The following SMARCD2 variants were observed in gnomAD, a reference collection of about 807,000 sequenced individuals.
SMARCD2 encodes the protein SWI/SNF related BAF chromatin remodeling complex subunit D2.
In SMARCD2, 39 loss-of-function variants were observed where a neutral mutation model predicts 70.4. The observed-to-expected ratio is 0.55, with a 90% confidence interval of 0.43 to 0.72. SMARCD2 has a LOEUF of 0.72. Among genes scored for constraint, SMARCD2 ranks in the 30% least tolerant of loss-of-function variants. The probability of loss-of-function intolerance (pLI) is 0.00; values close to 1 mark genes in which losing one functional copy is unlikely to be tolerated. For missense variants in SMARCD2, 540 were observed against 713.4 expected (o/e 0.76, Z 2.77); for synonymous variants, 249 against 279.4 (o/e 0.89, Z 1.08).
At chr17:63,836,743 A>C in intron 4 of SMARCD2, 179 bp downstream of exon 4, 1 of 609,546 alleles carries the variant, frequency 1.6e-6, no homozygotes, top group Non-Finnish European at 3.0e-6. Flanking sequence ...TTCTACTGTC[A>C]TATATTCATT....
chr17:63,839,374 A>C, intron 1 of SMARCD2: 1 of 259,636 alleles, frequency 3.9e-6, no homozygotes, highest in Non-Finnish European at 6.0e-6. Flanking sequence ...GTGCTCCGGT[A>C]ACAGGAAGTC....
chr17:63,833,730 C>G lies in SMARCD2; in HGVS notation c.1182-8G>C. The G allele has an allele frequency of 6.2e-7, 1 of 1,614,010 alleles. No homozygotes were observed. Among genetic ancestry groups the G allele is most frequent in the Non-Finnish European group, 8.5e-7 (1 of 1,179,882 alleles). On this transcript the variant is annotated splice_region_variant and splice_polypyrimidine_tract_variant and intron_variant, in intron 9 of 12. Transcript: ENST00000448276. This position sits in a 1 kb window ranked among gnomAD's most constrained non-coding sequence, Gnocchi z 4.3. Reference sequence around the variant, plus strand: ...TGGTCGTTAGGGTCGACACTGCAGGCAGCACATGGGGAGGGAAGGCACATA... The same window carrying G: ...TGGTCGTTAGGGTCGACACTGCAGGGAGCACATGGGGAGGGAAGGCACATA...
chr17:63,834,459 C>G lies in SMARCD2; in HGVS notation c.921+15G>C, dbSNP rs1431337005. The G allele has an allele frequency of 1.9e-6, 3 of 1,571,624 alleles. No homozygotes were observed. Among genetic ancestry groups the G allele is most frequent in the African/African-American group, 1.4e-5 (1 of 73,782 alleles). ...GTCCCTGTGGGCCCAGAAATGACCC[C>G]AGGGTCTCTGTCACCTGATGATCCA... On this transcript the variant is annotated intron_variant, in intron 7 of 12. Coordinates refer to ENST00000448276, the MANE Select transcript of SMARCD2 (RefSeq NM_001098426.2). This position sits in a 1 kb window ranked among gnomAD's most constrained non-coding sequence, Gnocchi z 5.6.
chr17:63,842,102 G>A (rs926298053), intron 1 of SMARCD2, among the ~76,000 whole-genome samples: 2 of 152,154 alleles, frequency 1.3e-5, no homozygotes, highest in Admixed American at 6.5e-5. Context: ...TTCTCAGCGA[G>A]GGCCCTTTCC....
At position 63,833,322 on chromosome 17, in the gene SMARCD2, G is replaced by A. The variant is rs1424686672; in HGVS notation, c.1416C>T (p.Leu472=). ...CCTTGAGGTCTCGGCGCTGGGAACG[G>A]AGCCATTCCTGGATGAAGTCCTGGG... ...TDPQDFIQEW[L]RSQRRDLKII... Residue 472 remains leucine, a synonymous_variant, in exon 11 of 13, where the codon CTC becomes CTT. Coordinates refer to ENST00000448276, the MANE Select transcript of SMARCD2 (RefSeq NM_001098426.2). The surrounding 1 kb of genome is among the most constrained non-coding windows in gnomAD (Gnocchi z 4.3). The A allele has an allele frequency of 5.0e-6, 8 of 1,614,008 alleles. No individual in the cohort carries two copies. In the East Asian group the frequency reaches 1.6e-4, roughly 31 times the overall value.
chr17:63,835,271 T>C (rs2040250951), intron 5 of SMARCD2, 141 bp downstream of exon 5: 2 of 766,662 alleles, frequency 2.6e-6, no homozygotes, highest in Admixed American at 6.0e-5. Flanking sequence ...TACAGGTGCA[T>C]GCCACCGCAC....
At position 63,833,592 on chromosome 17, in the gene SMARCD2, C is replaced by T. The variant is rs2040223653; in HGVS notation, c.1312G>A (p.Val438Ile). 4 of 1,613,892 alleles carry T rather than the reference C, an allele frequency of 2.5e-6. No homozygotes were observed. Among genetic ancestry groups the T allele is most frequent in the Non-Finnish European group, 3.4e-6 (4 of 1,179,888 alleles). Residue 438 changes from valine (V) to isoleucine (I), a missense_variant, in exon 10 of 13, where the codon GTC (valine) becomes ATC (isoleucine). Transcript: ENST00000448276. This position sits in a 1 kb window ranked among gnomAD's most constrained non-coding sequence, Gnocchi z 4.3. ...TNQQEIASLD[V>I]KIHETIESIN... ...TGTGGAGCCAGAGGGCCCACCTTGA[C>T]ATCAAGGGAGGCGATCTCCTGCTGA... is the stretch of plus-strand genomic sequence containing the variant.
Position 63,837,362 on chromosome 17 carries a change from A to C in SMARCD2, c.401+79T>G. The C allele has an allele frequency of 6.5e-7, 1 of 1,537,238 alleles. No homozygotes were observed. Among genetic ancestry groups the C allele is most frequent in the South Asian group, 1.1e-5 (1 of 89,042 alleles). On this transcript the variant is annotated intron_variant, in intron 2 of 12. Transcript: ENST00000448276. This position sits in a 1 kb window ranked among gnomAD's most constrained non-coding sequence, Gnocchi z 6.4. ...AGCCTGGAGTCATCCTCAGTCACCA[A>C]AGCTCTTAAGATAGAAGGAAACCCT...
rs544942986 is a variant in SMARCD2, at chr17:63,838,916, G to C, written c.217-1291C>G. On this transcript the variant is annotated intron_variant, in intron 1 of 12. Coordinates refer to ENST00000448276, the MANE Select transcript of SMARCD2 (RefSeq NM_001098426.2). ...CTAAACCCATGTTCCCAACACAGAGGGTCAGATTCTTGACCAGATGCGGAG... is the reference window on the plus strand; with the variant it reads ...CTAAACCCATGTTCCCAACACAGAGCGTCAGATTCTTGACCAGATGCGGAG... 5.1e-6 allele frequency: 5 copies of C among 985,336 alleles called. No individual in the cohort carries two copies. In the African/African-American group the frequency reaches 8.7e-5, roughly 17 times the overall value. The allele number at this position is 985,336 out of a possible 1,614,324, so 61.0% of individuals were successfully genotyped here.
chr17:63,836,679 T>C (rs996078550), intron 4 of SMARCD2: 10 of 402,836 alleles, frequency 2.5e-5, no homozygotes, highest in Admixed American at 3.9e-5. Context: ...AAAAATGTCA[T>C]GAAAGAATCC....
In SMARCD2 at chr17:63,835,476, C is replaced by T. The variant is rs1214587983; in HGVS notation, c.659G>A (p.Gly220Glu). 4 of 1,613,730 alleles carry T rather than the reference C, an allele frequency of 2.5e-6. No homozygotes were observed. The highest frequency in any genetic ancestry group is 3.4e-6 in the Non-Finnish European group (4 of 1,179,744). ...DSAGTAGTPGGTPAGDKVASW... is the reference protein window; with the variant it reads ...DSAGTAGTPGETPAGDKVASW... ...AGCCACCTTGTCCCCTGCTGGGGTT[C>T]CCCCAGGGGTCCCTGCAGTTCCTGC... Residue 220 changes from glycine to glutamate, a missense_variant, in exon 5 of 13, where the codon GGA becomes GAA. By Grantham distance (98) the Gly-to-Glu change is moderately conservative. Coordinates refer to ENST00000448276, the MANE Select transcript of SMARCD2 (RefSeq NM_001098426.2).
chr17:63,833,020 G>T lies in SMARCD2; in HGVS notation c.1543-29C>A. ...GAGAAGGGAGAAACCAAGTGGCTCA[G>T]GCCTTTGCTACTCACGGCCAAAGGA... On this transcript the variant is annotated intron_variant, in intron 12 of 12. Transcript: ENST00000448276. This position sits in a 1 kb window ranked among gnomAD's most constrained non-coding sequence, Gnocchi z 4.3. The T allele has an allele frequency of 6.3e-7, 1 of 1,586,464 alleles. No individual in the cohort carries two copies. Among genetic ancestry groups the T allele is most frequent in the African/African-American group, 1.3e-5 (1 of 74,302 alleles).
Position 63,832,622 on chromosome 17 carries a change from A to G in SMARCD2, c.*316T>C. Reference sequence around the variant, plus strand: ...CTCGCCCCAGGGGGAGTCTGTAAACATGCAAACCCAGCAGCCTTTGGTTCG... The same window carrying G: ...CTCGCCCCAGGGGGAGTCTGTAAACGTGCAAACCCAGCAGCCTTTGGTTCG... On this transcript the variant is annotated 3_prime_UTR_variant, in exon 13 of 13. Transcript: ENST00000448276. 2.3e-6 allele frequency: 1 copy of G among 439,810 alleles called. No individual in the cohort carries two copies. Among genetic ancestry groups the G allele is most frequent in the Non-Finnish European group, 4.2e-6 (1 of 237,022 alleles). The allele number at this position is 439,810 out of a possible 1,614,324, so 27.2% of individuals were successfully genotyped here.
chr17:63,842,641 G>T lies in SMARCD2; in HGVS notation c.34C>A (p.Pro12Thr), dbSNP rs928769045. ...GCGCCGCCGCCAGGGCTTAGCGGGG[G>T]CAGCGGGAACCCGCCCGCGCCTCGG... ...SGRGAGGFPL[P>T]PLSPGGGAVA... The change falls in exon 1 of 13, where the codon CCC becomes ACC. Residue 12 changes from proline to threonine, a missense_variant. Pro to Thr is a conservative substitution (Grantham distance 38). Coordinates refer to ENST00000448276, the MANE Select transcript of SMARCD2 (RefSeq NM_001098426.2). The T allele has an allele frequency of 7.9e-7, 1 of 1,267,024 alleles. No individual in the cohort carries two copies. The highest frequency in any genetic ancestry group is 4.1e-5 in the Admixed American group (1 of 24,590). 78.5% of individuals were successfully genotyped at this position (1,267,024 alleles called of 1,614,324 possible).
At position 63,833,560 on chromosome 17, in the gene SMARCD2, A is replaced by G. The variant is rs2040222791; in HGVS notation, c.1317+27T>C. ...AGCCCACCCCAATCCTGGGCCCCAG[A>G]GGAAGCTGTGGAGCCAGAGGGCCCA... is the stretch of plus-strand genomic sequence containing the variant. On this transcript the variant is annotated intron_variant, in intron 10 of 12. Coordinates refer to ENST00000448276, the MANE Select transcript of SMARCD2 (RefSeq NM_001098426.2). The surrounding 1 kb of genome is among the most constrained non-coding windows in gnomAD (Gnocchi z 4.3). 9 of 1,613,756 alleles carry G rather than the reference A, an allele frequency of 5.6e-6. No individual in the cohort carries two copies. The highest frequency in any genetic ancestry group is 1.3e-5 in the African/African-American group (1 of 74,928).
At chr17:63,839,197 C>T (rs1904341427) in intron 1 of SMARCD2, 1 of 985,366 alleles carries the variant, frequency 1.0e-6, no homozygotes, top group Non-Finnish European at 1.2e-6. Flanking sequence ...CAGCTGTAAG[C>T]CCAGGCCCAG....
In SMARCD2 at chr17:63,842,478, C is replaced by A; in HGVS notation, c.197G>T (p.Gly66Val). The A allele has an allele frequency of 8.0e-7, 1 of 1,252,812 alleles. No homozygotes were observed. The highest frequency in any genetic ancestry group is 2.9e-5 in the South Asian group (1 of 34,208). 77.6% of individuals were successfully genotyped at this position (1,252,812 alleles called of 1,614,324 possible). ...AAAFRPMGPA[G>V]PAAQYQRPGM... ...GCTCACCTGGTACTGCGCCGCGGGG[C>A]CCGCGGGGCCCATGGGGCGGAAGGC... The change falls in exon 1 of 13, where the codon GGC becomes GTC. Residue 66 changes from glycine to valine, a missense_variant. Coordinates refer to ENST00000448276, the MANE Select transcript of SMARCD2 (RefSeq NM_001098426.2).
At chr17:63,836,519 A>AG (rs1315570269) in intron 4 of SMARCD2, among the ~76,000 whole-genome samples, 38 of 151,650 alleles carry the variant, frequency 2.5e-4, no homozygotes, top group African/African-American at 8.7e-4. Context: ...AAAAAAAAAA[A>AG]AAAGAAAATT....
Position 63,834,282 on chromosome 17 carries a change from A to G in SMARCD2, c.968T>C (p.Val323Ala). Residue 323 changes from valine (V) to alanine (A), a missense_variant, in exon 8 of 13, where the codon GTG (valine) becomes GCG (alanine). Val to Ala is a moderately conservative substitution (Grantham distance 64). Coordinates refer to ENST00000448276, the MANE Select transcript of SMARCD2 (RefSeq NM_001098426.2). The surrounding 1 kb of genome is among the most constrained non-coding windows in gnomAD (Gnocchi z 5.6). ...LDPRLARLLG[V>A]HTQTRAAIMQ... The stretch of plus-strand genomic sequence containing the variant: ...GATGGCGGCCCTCGTCTGCGTGTGC[A>G]CTCCCAGCAGCCTTGCCAATCGGGG... The G allele has an allele frequency of 6.2e-7, 1 of 1,612,014 alleles. No individual in the cohort carries two copies. Among genetic ancestry groups the G allele is most frequent in the Non-Finnish European group, 8.5e-7 (1 of 1,179,178 alleles).
Sources: allele counts gnomAD v4.1 joint callset (sites outside exome capture counted in the v4.1 genomes callset), GRCh38; gene constraint gnomAD v4.1.1; non-coding constraint Gnocchi (gnomAD v3.1); transcripts MANE v1.5; gene names NCBI Gene and HGNC (gene_info 2026-07-23, HGNC 2026-07-21).